The following LRRC37A3 variants were observed in gnomAD, a reference collection of about 807,000 sequenced individuals.
LRRC37A3 encodes leucine-rich repeat-containing protein 37A3.
Under a neutral mutation model 106.2 loss-of-function variants are expected in LRRC37A3, and 25 were observed. That is an observed-to-expected ratio of 0.24 (90% CI 0.17 to 0.33). LRRC37A3 has a LOEUF of 0.33. Among genes scored for constraint, LRRC37A3 ranks in the 10% least tolerant of loss-of-function variants. The probability of loss-of-function intolerance (pLI) is 1.00; values close to 1 mark genes in which losing one functional copy is unlikely to be tolerated. For synonymous variants in LRRC37A3, 305 were observed against 635.8 expected (o/e 0.48, Z 7.83); for missense variants, 712 against 1,644.9 (o/e 0.43, Z 9.81).
Position 64,860,665 on chromosome 17 carries a change from G to T in LRRC37A3, c.3481C>A (p.Arg1161=). Residue 1161 remains arginine (R), a synonymous_variant, in exon 12 of 15, where the codon CGG becomes AGG. Transcript: ENST00000584306. The stretch of plus-strand genomic sequence containing the variant: ...ATGAGGACTCTATTCAGTCTCTGCC[G>T]GTTTTTGCCTACAGTTTGAATCTTT... ...LAKIQTVGKN[R]QRLNRVLMGP... 1 of 1,613,944 alleles carries T rather than the reference G, an allele frequency of 6.2e-7. No homozygotes were observed. Among genetic ancestry groups the T allele is most frequent in the Non-Finnish European group, 8.5e-7 (1 of 1,179,874 alleles).
intron 8 of LRRC37A3, among the ~76,000 whole-genome samples, chr17:64,869,581 G>C (rs1973237288): frequency 6.9e-6 from 1 of 145,806 alleles, no homozygotes; most frequent in South Asian, 2.1e-4. Context: ...TGTTGCCCAG[G>C]CTGGAGTGCA....
At chr17:64,861,181 T>C (rs1254702710) in intron 11 of LRRC37A3, among the ~76,000 whole-genome samples, 3 of 152,184 alleles carry the variant, frequency 2.0e-5, no homozygotes, top group Non-Finnish European at 1.5e-5. Flanking sequence ...GGCCACCTAC[T>C]TGGAACATTC....
chr17:64,866,610 A>ACACG (rs1973096379), intron 10 of LRRC37A3, among the ~76,000 whole-genome samples: 2 of 20,224 alleles, frequency 9.9e-5, no homozygotes, highest in Non-Finnish European at 8.1e-5. Flanking sequence ...ATATATATAT[A>ACACG]TATATATATA....
chr17:64,859,178 C>T (rs1972781787), intron 12 of LRRC37A3, among the ~76,000 whole-genome samples: 1 of 152,130 alleles, frequency 6.6e-6, no homozygotes, highest in Non-Finnish European at 1.5e-5. Flanking sequence ...TCTCAAACTC[C>T]TGACTTCAAG....
Position 64,854,457 on chromosome 17 carries a change from G to C in LRRC37A3, c.*142C>G, listed in dbSNP as rs1034571901. ...GGTGACTAATTAGACTGGGAAACAA[G>C]GGCAGGAACGATGGCCCTGTGCTTG... On this transcript the variant is annotated 3_prime_UTR_variant, in exon 15 of 15. Coordinates refer to ENST00000584306, the MANE Select transcript of LRRC37A3 (RefSeq NM_199340.5). 3 of 1,192,578 alleles carry C rather than the reference G, an allele frequency of 2.5e-6. No homozygotes were observed. The highest frequency in any genetic ancestry group is 3.6e-6 in the Non-Finnish European group (3 of 825,072). The allele number at this position is 1,192,578 out of a possible 1,614,324, so 73.9% of individuals were successfully genotyped here. A position where few individuals can be genotyped will look rare whatever the true frequency, so the allele number is the denominator to read the frequency against.
chr17:64,901,205 G>T (rs1359323449), intron 2 of LRRC37A3: 4 of 150,760 alleles, frequency 2.7e-5, no homozygotes, highest in African/African-American at 1.0e-4. Flanking sequence ...ACTGTGTTTG[G>T]TTCAAAGGAC....
At position 64,860,888 on chromosome 17, in the gene LRRC37A3, A is replaced by G; in HGVS notation, c.3258T>C (p.Ile1086=). 1 of 1,614,166 alleles carries G rather than the reference A, an allele frequency of 6.2e-7. No individual in the cohort carries two copies. Among genetic ancestry groups the G allele is most frequent in the Non-Finnish European group, 8.5e-7 (1 of 1,180,016 alleles). ...TGTCTGAGGGCTCCTCCGGCTCAAT[A>G]ATCAGCTCAGTGCTTGTGTAATTCT... is the stretch of plus-strand genomic sequence containing the variant. ...ARKNYTSTEL[I]IEPEEPSDSS... Residue 1086 remains isoleucine (I), a synonymous_variant, in exon 12 of 15, where the codon ATT becomes ATC. Transcript: ENST00000584306.
At chr17:64,874,018 C>G (rs1394238850) in intron 8 of LRRC37A3, among the ~76,000 whole-genome samples, 3 of 152,188 alleles carry the variant, frequency 2.0e-5, no homozygotes, top group African/African-American at 7.2e-5. Context: ...AAGGCAAAGA[C>G]AGAATATCTT....
At chr17:64,869,565 C>T (rs60073612) in intron 8 of LRRC37A3, among the ~76,000 whole-genome samples, 5 of 136,690 alleles carry the variant, frequency 3.7e-5, no homozygotes, top group South Asian at 2.3e-4. Flanking sequence ...GATGGAGTCT[C>T]GCTCTTGTTG....
At chr17:64,916,946 A>T (rs1201839458) in intron 2 of LRRC37A3, among the ~76,000 whole-genome samples, 1 of 150,890 alleles carries the variant, frequency 6.6e-6, no homozygotes, top group Non-Finnish European at 1.5e-5. Flanking sequence ...GGTGGCCAAA[A>T]AAAAAAAAAA....
At position 64,861,016 on chromosome 17, in the gene LRRC37A3, G is replaced by C. The variant is rs367631235; in HGVS notation, c.3173-43C>G. 9 of 1,612,464 alleles carry C rather than the reference G, an allele frequency of 5.6e-6. No homozygotes were observed. The African/African-American group carries it at 1.2e-4, about 22-fold the overall frequency. ...ACTGCTTTGATCATGAAAGATGATG[G>C]GATGGGATGCATCAGTCCATAGCTG... On this transcript the variant is annotated intron_variant, in intron 11 of 14. Transcript: ENST00000584306.
rs1974782233 is a variant in LRRC37A3, at chr17:64,919,422, G to C, written c.-617+9C>G. On this transcript the variant is annotated intron_variant, in intron 1 of 14. Coordinates refer to ENST00000584306, the MANE Select transcript of LRRC37A3 (RefSeq NM_199340.5). Reference sequence around the variant, plus strand: ...GGAGAAGGCTCAATCCGAATGGCTGGGGCCTCACTGCGGATCGCCTTCAGC... The same window carrying C: ...GGAGAAGGCTCAATCCGAATGGCTGCGGCCTCACTGCGGATCGCCTTCAGC... 2.1e-6 allele frequency: 1 copy of C among 471,374 alleles called. No individual in the cohort carries two copies. Among genetic ancestry groups the C allele is most frequent in the Non-Finnish European group, 3.8e-6 (1 of 265,728 alleles). The allele number at this position is 471,374 out of a possible 1,614,324, so 29.2% of individuals were successfully genotyped here.
chr17:64,916,220 A>G (rs2143638265), intron 2 of LRRC37A3, among the ~76,000 whole-genome samples: 1 of 152,058 alleles, frequency 6.6e-6, no homozygotes, highest in South Asian at 2.1e-4. Flanking sequence ...CCTGGCTAAC[A>G]TGGTGAAACC....
Position 64,860,163 on chromosome 17 carries a change from C to T in LRRC37A3, c.3983G>A (p.Arg1328Lys). 6.2e-7 allele frequency: 1 copy of T among 1,613,968 alleles called. No individual in the cohort carries two copies. The highest frequency in any genetic ancestry group is 8.5e-7 in the Non-Finnish European group (1 of 1,179,868). The change falls in exon 12 of 15, where the codon AGA (arginine) becomes AAA (lysine). Residue 1328 changes from arginine (R) to lysine (K), a missense_variant. Coordinates refer to ENST00000584306, the MANE Select transcript of LRRC37A3 (RefSeq NM_199340.5). ...TPKVKKSPKVRKKSYLSRLML... is the reference protein window; with the variant it reads ...TPKVKKSPKVKKKSYLSRLML... ...CAGTCTACTCAGATAACTTTTCTTT[C>T]TGACCTTTGGACTCTTTTTGACCTT... is the stretch of plus-strand genomic sequence containing the variant.
chr17:64,873,480 C>G (rs1315660646), intron 8 of LRRC37A3, among the ~76,000 whole-genome samples: 3 of 151,874 alleles, frequency 2.0e-5, no homozygotes, highest in Admixed American at 1.3e-4. Context: ...TTTAATTCAG[C>G]TATTTAAAAT....
At position 64,865,864 on chromosome 17, in the gene LRRC37A3, G is replaced by A. The variant is rs551050648; in HGVS notation, c.3053+2598C>T. Reference sequence around the variant, plus strand: ...AATCAAACATCAGACATTACATTTAGTACATGATTCTTTAGTCTCCTTCAA... The same window carrying A: ...AATCAAACATCAGACATTACATTTAATACATGATTCTTTAGTCTCCTTCAA... On this transcript the variant is annotated intron_variant, in intron 10 of 14. Coordinates refer to ENST00000584306, the MANE Select transcript of LRRC37A3 (RefSeq NM_199340.5). 8.8e-4 allele frequency among the ~76,000 whole-genome samples: 134 copies of A among 152,310 alleles called. 1 individual carries two copies. Among genetic ancestry groups the A allele is most frequent in the African/African-American group, 3.1e-3 (130 of 41,558 alleles).
rs1400737037 is a variant in LRRC37A3 at position 64,918,391 on chromosome 17, C to CT, written c.-496+358dup. Among the ~76,000 whole-genome samples the CT allele has an allele frequency of 2.3e-3, 352 of 150,372 alleles. 2 individuals are homozygous for CT. The highest frequency in any genetic ancestry group is 8.0e-3 in the African/African-American group (330 of 41,074). ...AGGGAATGCAATTTTTTTCTTTTTT[C>CT]TTTATTACCCAGGTTCCCATCAATG... On this transcript the variant is annotated intron_variant, in intron 2 of 14. Transcript: ENST00000584306.
chr17:64,884,347 GATT>G lies in LRRC37A3; in HGVS notation c.2906+1736_2906+1738del, dbSNP rs199536526. 1.3e-4 allele frequency among the ~76,000 whole-genome samples: 19 copies of G among 150,766 alleles called. 1 individual carries two copies. Among genetic ancestry groups the G allele is most frequent in the South Asian group, 2.1e-4 (1 of 4,774 alleles). ...AAGCTGGCTAGATGATGACGATGAT[GATT>G]ATTATTATTATTATTATATTATTAT... is the stretch of plus-strand genomic sequence containing the variant. On this transcript the variant is annotated intron_variant, in intron 8 of 14. Coordinates refer to ENST00000584306, the MANE Select transcript of LRRC37A3 (RefSeq NM_199340.5).
chr17:64,881,868 C>T (rs1333212993), intron 8 of LRRC37A3, among the ~76,000 whole-genome samples: 1 of 148,970 alleles, frequency 6.7e-6, no homozygotes, highest in East Asian at 2.0e-4. Flanking sequence ...AGAGCTGGTA[C>T]AGCCAGGAGC....
Sources: allele counts gnomAD v4.1 joint callset (sites outside exome capture counted in the v4.1 genomes callset), GRCh38; gene constraint gnomAD v4.1.1; transcripts MANE v1.5; gene names NCBI Gene and HGNC (gene_info 2026-07-23, HGNC 2026-07-21).